Variants in UEVLD observed in about 807,000 individuals in gnomAD.
The protein encoded by UEVLD is UEV and lactate/malate dehyrogenase domains, also known as ubiquitin-conjugating enzyme E2 variant 3.
UEVLD carries 47 observed loss-of-function variants against 58.6 expected under a neutral mutation model. That is an observed-to-expected ratio of 0.80 (90% CI 0.63 to 1.02). The LOEUF (loss-of-function observed/expected upper bound fraction) is 1.02, where lower values mean the gene tolerates loss of function less well. UEVLD is among the 50% of genes least tolerant of loss of function. The pLI is 0.00. For missense variants in UEVLD, 510 were observed against 550.6 expected (o/e 0.93, Z 0.74); for synonymous variants, 197 against 195.3 (o/e 1.01, Z -0.07).
rs1463650390 is a variant in UEVLD at position 18,530,078 on chromosome 11, T to C, written c.*2242A>G. 5.3e-5 allele frequency: 8 copies of C among 152,228 alleles called. No individual in the cohort carries two copies. 9.4% of individuals were successfully genotyped at this position (152,228 alleles called of 1,614,324 possible). ...GTAATGATTTCTTGGTAATTTATTATACAATATTTTCTGGTTAGATTATTG... is the reference window on the plus strand; with the variant it reads ...GTAATGATTTCTTGGTAATTTATTACACAATATTTTCTGGTTAGATTATTG... On this transcript the variant is annotated 3_prime_UTR_variant, in exon 12 of 12. Transcript: ENST00000396197.
chr11:18,530,185 GTTCT>G lies in UEVLD; in HGVS notation c.*2131_*2134del, dbSNP rs1299674291. The G allele has an allele frequency of 2.0e-5, 3 of 152,144 alleles. No homozygotes were observed. The highest frequency in any genetic ancestry group is 4.4e-5 in the Non-Finnish European group (3 of 68,012). The allele number at this position is 152,144 out of a possible 1,614,324, so 9.4% of individuals were successfully genotyped here. ...GCTAGTTTTAAAAACACAAGAAATA[GTTCT>G]TTCAGTTTTACTTTCCTATTTCATA... On this transcript the variant is annotated 3_prime_UTR_variant, in exon 12 of 12. Transcript: ENST00000396197.
intron 1 of UEVLD, among the ~76,000 whole-genome samples, chr11:18,586,947 G>T (rs1456160507): frequency 6.6e-5 from 10 of 152,138 alleles, no homozygotes; most frequent in Non-Finnish European, 1.3e-4. Context: ...CAGGAGAATC[G>T]CTTGAACCCA....
chr11:18,564,503 G>T (rs893170395), intron 6 of UEVLD, among the ~76,000 whole-genome samples: 8 of 148,590 alleles, frequency 5.4e-5, no homozygotes, highest in Non-Finnish European at 1.2e-4. Context: ...GATCCTAAAA[G>T]AAAGTAATTA....
At position 18,581,536 on chromosome 11, in the gene UEVLD, T is replaced by C. The variant is rs12796202; in HGVS notation, c.43-2728A>G. ...CCGTCTCAACTAAAAATACAAAAATTAGCCAGGCATGCTGGCATGCACCTG... is the reference window on the plus strand; with the variant it reads ...CCGTCTCAACTAAAAATACAAAAATCAGCCAGGCATGCTGGCATGCACCTG... On this transcript the variant is annotated intron_variant, in intron 1 of 11. Transcript: ENST00000396197. Among the ~76,000 whole-genome samples, 747 of 151,788 alleles carry C rather than the reference T, an allele frequency of 4.9e-3. 6 individuals carry two copies. Among genetic ancestry groups the C allele is most frequent in the African/African-American group, 0.017 (722 of 41,362 alleles).
At chr11:18,560,879 C>T (rs1851998973) in intron 6 of UEVLD, among the ~76,000 whole-genome samples, 1 of 152,016 alleles carries the variant, frequency 6.6e-6, no homozygotes, top group Admixed American at 6.6e-5. Context: ...GGCCTGGTGG[C>T]GCATGCTTGT....
chr11:18,569,115 C>T (rs896406324), intron 4 of UEVLD, among the ~76,000 whole-genome samples: 1 of 152,122 alleles, frequency 6.6e-6, no homozygotes, highest in Admixed American at 6.6e-5. Context: ...AAGATGGTCT[C>T]GATCTCCTGA....
intron 9 of UEVLD, among the ~76,000 whole-genome samples, chr11:18,541,746 T>G (rs1322578170): frequency 2.0e-5 from 3 of 152,182 alleles, no homozygotes; most frequent in Admixed American, 6.5e-5. Context: ...GATGCTTGAC[T>G]TAGACCTTGA....
intron 7 of UEVLD, among the ~76,000 whole-genome samples, chr11:18,550,916 C>T (rs570986643): frequency 1.1e-4 from 17 of 152,230 alleles, no homozygotes; most frequent in African/African-American, 3.6e-4. Flanking sequence ...GAAATAGCTT[C>T]CAGAATGCAA....
In UEVLD at chr11:18,536,412, G is replaced by T; in HGVS notation, c.1118C>A (p.Ser373Tyr). 1.2e-6 allele frequency: 2 copies of T among 1,613,664 alleles called. No individual in the cohort carries two copies. Among genetic ancestry groups the T allele is most frequent in the Non-Finnish European group, 1.7e-6 (2 of 1,179,802 alleles). Residue 373 changes from serine (S) to tyrosine (Y), a missense_variant, in exon 10 of 12, where the codon TCC becomes TAC. By Grantham distance (144) the Ser-to-Tyr change is moderately radical (BLOSUM62 -2). Transcript: ENST00000396197. ...AATTTCCAGTCAGTGTTACCTGTTG[G>T]ACAGCTGCACTTGAGAGGTATGACT... ...VVSHTSQVQL[S>Y]NRAMELLRVK...
At chr11:18,557,854 T>A (rs1210615889) in intron 7 of UEVLD, among the ~76,000 whole-genome samples, 3 of 152,196 alleles carry the variant, frequency 2.0e-5, no homozygotes, top group Non-Finnish European at 4.4e-5. Context: ...TCAGCACTAT[T>A]ATGGCAGAGC....
At chr11:18,573,089 G>A (rs1852712656) in intron 3 of UEVLD, among the ~76,000 whole-genome samples, 1 of 152,192 alleles carries the variant, frequency 6.6e-6, no homozygotes, top group African/African-American at 2.4e-5. Context: ...GGTGGGGGGA[G>A]CACCTGAGGA....
chr11:18,560,085 G>GTC (rs1565125311), intron 6 of UEVLD, among the ~76,000 whole-genome samples: 55 of 33,320 alleles, frequency 1.7e-3, no homozygotes, highest in Non-Finnish European at 1.2e-3. Flanking sequence ...GCAAAACCCC[G>GTC]TCTCTACACA....
intron 8 of UEVLD, among the ~76,000 whole-genome samples, chr11:18,545,262 G>A (rs370774109): frequency 5.9e-5 from 9 of 151,288 alleles, no homozygotes; most frequent in East Asian, 3.9e-4. Context: ...TGGTAGAGAC[G>A]GGGTTTCACC....
chr11:18,571,868 T>C (rs539351643), intron 3 of UEVLD, among the ~76,000 whole-genome samples: 1 of 150,910 alleles, frequency 6.6e-6, no homozygotes, highest in Non-Finnish European at 1.5e-5. Context: ...AGCCCAGAAA[T>C]TTGAGGTTAC....
At position 18,588,694 on chromosome 11, in the gene UEVLD, C is replaced by T. The variant is rs760478021; in HGVS notation, c.-40G>A. The T allele has an allele frequency of 9.8e-5, 157 of 1,598,696 alleles. No homozygotes were observed. The highest frequency in any genetic ancestry group is 1.2e-4 in the Non-Finnish European group (147 of 1,177,136). The stretch of plus-strand genomic sequence containing the variant: ...CGAGCTAGGTCCCAGGACTCCAGCC[C>T]CCGGACCTTCTTCCGGACTTGCTGC... On this transcript the variant is annotated 5_prime_UTR_variant, in exon 1 of 12. Coordinates refer to ENST00000396197, the MANE Select transcript of UEVLD (RefSeq NM_001040697.4).
intron 7 of UEVLD, 54 bp from the exon 8 acceptor site, chr11:18,547,104 C>A: frequency 6.5e-7 from 1 of 1,547,262 alleles, no homozygotes. Context: ...TAATCAAGTT[C>A]TAGTTCACGA....
At chr11:18,550,482 T>C (rs1000440613) in intron 7 of UEVLD, among the ~76,000 whole-genome samples, 4 of 152,200 alleles carry the variant, frequency 2.6e-5, no homozygotes, top group African/African-American at 9.6e-5. Flanking sequence ...GAACAGGGAT[T>C]ATTTGTTTCT....
At chr11:18,564,822 G>A (rs1852217479) in intron 6 of UEVLD, 70 bp downstream of exon 6, 1 of 1,085,874 alleles carries the variant, frequency 9.2e-7, no homozygotes, top group Non-Finnish European at 1.3e-6. Flanking sequence ...ATTTTTTGGT[G>A]TGTAAAACAC....
At chr11:18,571,615 C>G (rs1251386825) in intron 3 of UEVLD, among the ~76,000 whole-genome samples, 1 of 152,156 alleles carries the variant, frequency 6.6e-6, no homozygotes, top group Non-Finnish European at 1.5e-5. Context: ...ACTGAAGAGT[C>G]CGAACTCCTG....
Sources: gnomAD v4.1 joint callset for allele counts (sites outside exome capture counted in the v4.1 genomes callset) on GRCh38, gnomAD v4.1.1 for gene constraint, MANE v1.5 for transcripts, NCBI Gene and HGNC (gene_info 2026-07-23, HGNC 2026-07-21) for gene names.